The following CACNA1C variants were observed in gnomAD, a reference collection of about 807,000 sequenced individuals.
CACNA1C encodes the protein calcium voltage-gated channel subunit alpha1 C.
Under a neutral mutation model 229.0 loss-of-function variants are expected in CACNA1C, and 30 were observed. The ratio of observed to expected loss-of-function variants is 0.13; its 90% confidence interval spans 0.10 to 0.18. CACNA1C has a LOEUF of 0.18. Among genes scored for constraint, CACNA1C ranks in the 10% least tolerant of loss-of-function variants. The probability of loss-of-function intolerance (pLI) is 1.00; values close to 1 mark genes in which losing one functional copy is unlikely to be tolerated. For synonymous variants in CACNA1C, 1,114 were observed against 1,132.5 expected, an observed-to-expected ratio of 0.98 and a Z score of 0.33; for missense variants, 1,658 against 2,845.0, an observed-to-expected ratio of 0.58 and a Z score of 9.49.
chr12:2,636,990 C>A (rs2092817322), intron 30 of CACNA1C, among the ~76,000 whole-genome samples: 2 of 152,168 alleles, frequency 1.3e-5, no homozygotes, highest in Non-Finnish European at 2.9e-5. Flanking sequence ...TGTCCTGAGA[C>A]CCAACACCTA....
intron 38 of CACNA1C, among the ~76,000 whole-genome samples, chr12:2,673,874 T>C (rs529633340): frequency 1.0e-3 from 157 of 152,322 alleles, no homozygotes; most frequent in African/African-American, 3.7e-3. Context: ...AAATCTATGA[T>C]GGTCAGGGGC....
chr12:2,272,979 C>T (rs1218980054), intron 3 of CACNA1C, among the ~76,000 whole-genome samples: 2 of 152,232 alleles, frequency 1.3e-5, no homozygotes, highest in Admixed American at 6.5e-5. Context: ...TAGAAGGTCC[C>T]AGTGATATCT....
intron 19 of CACNA1C, among the ~76,000 whole-genome samples, chr12:2,594,774 C>G (rs1254509444): frequency 6.6e-6 from 1 of 152,202 alleles, no homozygotes; most frequent in Non-Finnish European, 1.5e-5. Flanking sequence ...CCAACACTTC[C>G]TCTTCATTTG....
chr12:2,498,004 A>ACACACAC (rs1598127973), intron 7 of CACNA1C, among the ~76,000 whole-genome samples: 1 of 114,318 alleles, frequency 8.7e-6, no homozygotes, highest in African/African-American at 3.5e-5. Flanking sequence ...CACACACACA[A>ACACACAC]CAGCTATTAA....
Position 2,088,830 on chromosome 12 carries a change from T to A in CACNA1C, c.50-26394T>A, listed in dbSNP as rs188895059. 5.9e-5 allele frequency among the ~76,000 whole-genome samples: 9 copies of A among 152,230 alleles called. 1 individual carries two copies. Among genetic ancestry groups the A allele is most frequent in the Middle Eastern group, 6.8e-3 (2 of 294 alleles). ...ACGGGGAAAGCAATTTTTCAGTTCA[T>A]AGGATTTAGTCGGACTGGTTACTAT... On this transcript the variant is annotated intron_variant, in intron 1 of 46. Coordinates refer to ENST00000399655, the MANE Select transcript of CACNA1C (RefSeq NM_000719.7).
At chr12:2,673,902 T>C (rs1046169127) in intron 38 of CACNA1C, among the ~76,000 whole-genome samples, 2 of 152,190 alleles carry the variant, frequency 1.3e-5, no homozygotes, top group Non-Finnish European at 2.9e-5. Context: ...TTTGGCAGCA[T>C]GTGTACCCTG....
Position 2,697,736 on chromosome 12 carries a change from C to T in CACNA1C, c.*6537C>T, listed in dbSNP as rs1475286792. ...TGTAATCCTCAAATAATCCCATTGTCAGAGGCCTCGCCTGATGGGCCTTCT... is the reference window on the plus strand; with the variant it reads ...TGTAATCCTCAAATAATCCCATTGTTAGAGGCCTCGCCTGATGGGCCTTCT... On this transcript the variant is annotated 3_prime_UTR_variant, in exon 47 of 47. Coordinates refer to ENST00000399655, the MANE Select transcript of CACNA1C (RefSeq NM_000719.7). 2 of 152,302 alleles carry T rather than the reference C, an allele frequency of 1.3e-5. No individual in the cohort carries two copies. The highest frequency in any genetic ancestry group is 2.9e-5 in the Non-Finnish European group (2 of 68,030). The allele number at this position is 152,302 out of a possible 1,614,324, so 9.4% of individuals were successfully genotyped here.
rs1190217164 is a variant in CACNA1C, at chr12:2,403,927, C to T, written c.478-45049C>T. On this transcript the variant is annotated intron_variant, in intron 3 of 46. Transcript: ENST00000399655. This position sits in a 1 kb window ranked among gnomAD's most constrained non-coding sequence, Gnocchi z 4.1. ...CCTAGAGGAAAGACTTAATGATTCT[C>T]ACCCTTGAAAGTGTGTACAGAAATC... Among the ~76,000 whole-genome samples the T allele has an allele frequency of 1.3e-5, 2 of 152,234 alleles. No individual in the cohort carries two copies. The highest frequency in any genetic ancestry group is 2.9e-5 in the Non-Finnish European group (2 of 68,046).
At position 2,569,875 on chromosome 12, in the gene CACNA1C, T is replaced by C. The variant is rs901077791; in HGVS notation, c.1895+2081T>C. Among the ~76,000 whole-genome samples, 122 of 152,314 alleles carry C rather than the reference T, an allele frequency of 8.0e-4. 1 individual carries two copies. The highest frequency in any genetic ancestry group is 2.9e-3 in the African/African-American group (119 of 41,568). ...GATTTTGAGGAACTGTCAAACTGTT[T>C]TCCAAAGAGACTAAAGCATCTTACA... On this transcript the variant is annotated intron_variant, in intron 13 of 46. Transcript: ENST00000399655.
chr12:2,505,089 T>A (rs1010175899), intron 8 of CACNA1C, 144 bp downstream of exon 8: 1 of 614,614 alleles, frequency 1.6e-6, no homozygotes, highest in Non-Finnish European at 2.9e-6. Context: ...GATGTCCTTG[T>A]CCTGGCTGGG....
chr12:2,380,704 A>G (rs888167935), intron 3 of CACNA1C, among the ~76,000 whole-genome samples: 1 of 152,232 alleles, frequency 6.6e-6, no homozygotes, highest in African/African-American at 2.4e-5. Flanking sequence ...GCCAGTGAGC[A>G]ATGTTAGAAT....
At chr12:2,100,857 A>C (rs1322512835) in intron 1 of CACNA1C, among the ~76,000 whole-genome samples, 2 of 151,834 alleles carry the variant, frequency 1.3e-5, no homozygotes, top group Non-Finnish European at 2.9e-5. Context: ...GTTGGAGACC[A>C]GCCTGGGCAA....
intron 3 of CACNA1C, among the ~76,000 whole-genome samples, chr12:2,233,108 C>T (rs904342615): frequency 6.6e-6 from 1 of 152,118 alleles, no homozygotes; most frequent in Non-Finnish European, 1.5e-5. Context: ...TTCCTATCAG[C>T]TTGTGTTTAT....
chr12:2,004,528 G>A (rs1050367944), intron 1 of CACNA1C: 12 of 1,496,656 alleles, frequency 8.0e-6, no homozygotes, highest in Non-Finnish European at 8.9e-6. Flanking sequence ...AACCCACGGC[G>A]ACCACACGGC....
rs115473128 is a variant in CACNA1C at position 2,279,546 on chromosome 12, C to T, written c.477+159116C>T. Among the ~76,000 whole-genome samples the T allele has an allele frequency of 9.1e-3, 1,393 of 152,292 alleles. 17 individuals carry two copies. Among genetic ancestry groups the T allele is most frequent in the African/African-American group, 0.032 (1,331 of 41,544 alleles). On this transcript the variant is annotated intron_variant, in intron 3 of 46. Coordinates refer to ENST00000399655, the MANE Select transcript of CACNA1C (RefSeq NM_000719.7). The stretch of plus-strand genomic sequence containing the variant: ...TTGTTATGCACCCTTGAAGACTTGA[C>T]CTCTTTGCTGTTTTGAAAAGCCCTT...
chr12:2,321,226 G>A (rs992186272), intron 3 of CACNA1C, among the ~76,000 whole-genome samples: 6 of 151,860 alleles, frequency 4.0e-5, no homozygotes, highest in South Asian at 2.1e-4. Context: ...TCGTTGGGGG[G>A]GTGGGGGAAG....
intron 3 of CACNA1C, among the ~76,000 whole-genome samples, chr12:2,169,886 T>G (rs1209418459): frequency 6.6e-6 from 1 of 152,200 alleles, no homozygotes; most frequent in East Asian, 1.9e-4. Flanking sequence ...ACAGGTTGAT[T>G]GAGGAGCACA....
intron 9 of CACNA1C, among the ~76,000 whole-genome samples, chr12:2,545,126 C>T (rs944481298): frequency 1.3e-5 from 2 of 152,034 alleles, no homozygotes; most frequent in African/African-American, 4.8e-5. Context: ...ACACAAAATC[C>T]ACTTTTCCTC....
intron 37 of CACNA1C, among the ~76,000 whole-genome samples, chr12:2,667,317 A>ACTCCACGCTCCTT (rs1556002384): frequency 2.0e-5 from 3 of 151,876 alleles, no homozygotes; most frequent in Admixed American, 6.6e-5. Context: ...CACCGTGGCC[A>ACTCCACGCTCCTT]TTCCGTGCTC....
Sources: gnomAD v4.1 joint callset for allele counts (sites outside exome capture counted in the v4.1 genomes callset) on GRCh38, gnomAD v4.1.1 for gene constraint, Gnocchi (gnomAD v3.1) non-coding constraint, MANE v1.5 for transcripts, NCBI Gene and HGNC (gene_info 2026-07-23, HGNC 2026-07-21) for gene names.